UBR4: variants seen among roughly 807,000 people sequenced by gnomAD.
The protein encoded by UBR4 is E3 ubiquitin-protein ligase UBR4.
A neutral mutation model predicts 575.6 loss-of-function variants in UBR4; 124 were observed. The ratio of observed to expected loss-of-function variants is 0.22; its 90% CI spans 0.19 to 0.25. UBR4 has a LOEUF of 0.25. Among genes scored for constraint, UBR4 ranks in the 10% least tolerant of loss-of-function variants. The probability of loss-of-function intolerance (pLI) is 1.00; values close to 1 mark genes in which losing one functional copy is unlikely to be tolerated. For synonymous variants in UBR4, 2,455 were observed against 2,473.7 expected, an observed-to-expected ratio of 0.99 and a Z score of 0.22; for missense variants, 4,818 against 6,478.8, an observed-to-expected ratio of 0.74 and a Z score of 8.80.
chr1:19,077,402 T>C lies in UBR4; in HGVS notation c.15325-500A>G, dbSNP rs115686388. 8.3e-3 allele frequency among the ~76,000 whole-genome samples: 1,259 copies of C among 152,340 alleles called. 15 individuals carry two copies. The highest frequency in any genetic ancestry group is 0.028 in the African/African-American group (1,183 of 41,574). ...GAAGGTCTTCCTGCACAGCCGAGTC[T>C]GGAGCAGGCTCGGGAGCAGGTGACA... On this transcript the variant is annotated intron_variant, in intron 104 of 105. Coordinates refer to ENST00000375254, the MANE Select transcript of UBR4 (RefSeq NM_020765.3).
chr1:19,173,522 G>A lies in UBR4; in HGVS notation c.3082C>T (p.Pro1028Ser), dbSNP rs1214385688. 2 of 1,614,054 alleles carry A rather than the reference G, an allele frequency of 1.2e-6. No individual in the cohort carries two copies. The highest frequency in any genetic ancestry group is 2.2e-5 in the East Asian group (1 of 44,874). The part of the protein sequence containing the change: ...TYINQLSMNS[P>S]EMSECDILHT... ...AAGATGTCACATTCGCTCATCTCAGGTGAGTTCATGGATAGCTGGTTAATG... is the reference window on the plus strand; with the variant it reads ...AAGATGTCACATTCGCTCATCTCAGATGAGTTCATGGATAGCTGGTTAATG... Residue 1028 changes from proline (P) to serine (S), a missense_variant, in exon 23 of 106, where the codon CCT becomes TCT. Pro to Ser is a moderately conservative substitution (Grantham distance 74). Coordinates refer to ENST00000375254, the MANE Select transcript of UBR4 (RefSeq NM_020765.3).
Position 19,165,763 on chromosome 1 carries a change from G to A in UBR4, c.4110-6C>T, listed in dbSNP as rs753795315. 1 of 1,608,284 alleles carries A rather than the reference G, an allele frequency of 6.2e-7. No individual in the cohort carries two copies. Among genetic ancestry groups the A allele is most frequent in the South Asian group, 1.1e-5 (1 of 89,950 alleles). ...GGATGGATTCATCCAGTCCACTGAG[G>A]ATCAAACGGAAAACTTAACCACCAG... On this transcript the variant is annotated splice_region_variant and splice_polypyrimidine_tract_variant and intron_variant, in intron 29 of 105. Coordinates refer to ENST00000375254, the MANE Select transcript of UBR4 (RefSeq NM_020765.3).
chr1:19,186,763 T>C (rs2151295398), intron 13 of UBR4, 106 bp from the exon 14 acceptor site: 3 of 995,000 alleles, frequency 3.0e-6, no homozygotes, highest in Non-Finnish European at 4.4e-6. Flanking sequence ...TCCAAGAGTA[T>C]GCCTCTTAAT....
intron 28 of UBR4, among the ~76,000 whole-genome samples, chr1:19,167,605 A>G (rs938910713): frequency 1.4e-4 from 22 of 152,074 alleles, no homozygotes; most frequent in Non-Finnish European, 2.6e-4. Flanking sequence ...TTTTAGGGCA[A>G]TACAATATAA....
chr1:19,105,939 G>T (rs946634085), intron 83 of UBR4, 97 bp from the exon 84 acceptor site: 5 of 814,148 alleles, frequency 6.1e-6, no homozygotes, highest in Non-Finnish European at 9.2e-6. Flanking sequence ...TCTAGGAGAG[G>T]TCTTCTGGGC....
At chr1:19,141,101 G>C (rs2083873664) in intron 57 of UBR4, among the ~76,000 whole-genome samples, 1 of 152,222 alleles carries the variant, frequency 6.6e-6, no homozygotes, top group Non-Finnish European at 1.5e-5. Flanking sequence ...GCAGGACACA[G>C]GCTGGAGGAA....
At chr1:19,107,347 G>A (rs1186446844) in intron 81 of UBR4, among the ~76,000 whole-genome samples, 1 of 152,166 alleles carries the variant, frequency 6.6e-6, no homozygotes, top group Non-Finnish European at 1.5e-5. Context: ...AGCCTGCAGA[G>A]AGAGAGCCAC....
intron 18 of UBR4, 74 bp downstream of exon 18, chr1:19,178,977 T>C (rs2090586464): frequency 6.4e-7 from 1 of 1,554,984 alleles, no homozygotes; most frequent in Non-Finnish European, 8.7e-7. Flanking sequence ...AAGCCACAGA[T>C]TAACTACAAA....
intron 17 of UBR4, among the ~76,000 whole-genome samples, chr1:19,180,808 CT>C (rs1241392900): frequency 2.0e-5 from 3 of 152,092 alleles, no homozygotes; most frequent in African/African-American, 4.8e-5. Flanking sequence ...CCTTCCACCC[CT>C]ATCCTTCCTT....
At chr1:19,209,248 G>A (rs1392713182) in intron 1 of UBR4, among the ~76,000 whole-genome samples, 1 of 152,196 alleles carries the variant, frequency 6.6e-6, no homozygotes, top group Non-Finnish European at 1.5e-5. Flanking sequence ...ATGAAAGTCA[G>A]TCTGGCTTTA....
chr1:19,153,464 A>G lies in UBR4; in HGVS notation c.6669T>C (p.Asn2223=). ...DMVAIRHTAC[N]EQQRTTMILL... ...GAATCATTGTTGTCCGCTGCTGCTC[A>G]TTGCAGGCCGTGTGCCTAATAGCAA... The change falls in exon 46 of 106, where the codon AAT becomes AAC. Residue 2223 remains asparagine, a synonymous_variant. Coordinates refer to ENST00000375254, the MANE Select transcript of UBR4 (RefSeq NM_020765.3). The surrounding 1 kb of genome is among the most constrained non-coding windows in gnomAD (Gnocchi z 4.1). 2 of 1,614,124 alleles carry G rather than the reference A, an allele frequency of 1.2e-6. No homozygotes were observed. The highest frequency in any genetic ancestry group is 1.7e-6 in the Non-Finnish European group (2 of 1,180,016).
Position 19,106,651 on chromosome 1 carries a change from C to T in UBR4, c.12311G>A (p.Arg4104Lys). The T allele has an allele frequency of 1.2e-6, 2 of 1,610,024 alleles. No homozygotes were observed. The highest frequency in any genetic ancestry group is 2.2e-5 in the East Asian group (1 of 44,862). The change falls in exon 83 of 106, where the codon AGG (arginine) becomes AAG (lysine). Residue 4104 changes from arginine to lysine, a missense_variant. Around this residue, in one of 29 missense-constraint regions of UBR4, gnomAD observed 178 missense variants for 175.5 expected, o/e 1.01. Transcript: ENST00000375254. The part of the protein sequence containing the change: ...HLYLTEKYVW[R>K]WKQFLSRRGK... ...CCGACGACTCAGGAACTGTTTCCAC[C>T]TCCACACATACTTCTCAGTCAAATA...
At chr1:19,194,241 G>A (rs548994857) in intron 8 of UBR4, among the ~76,000 whole-genome samples, 9 of 152,200 alleles carry the variant, frequency 5.9e-5, no homozygotes, top group Admixed American at 1.3e-4. Flanking sequence ...TAAATCCACC[G>A]TACTAATTAA....
At chr1:19,142,650 G>A (rs1015403211) in intron 55 of UBR4, among the ~76,000 whole-genome samples, 2 of 152,160 alleles carry the variant, frequency 1.3e-5, no homozygotes, top group Non-Finnish European at 2.9e-5. Flanking sequence ...TGTCTAAAAG[G>A]AGATGTGCCA....
chr1:19,126,386 G>A, intron 64 of UBR4, 60 bp downstream of exon 64: 1 of 1,601,648 alleles, frequency 6.2e-7, no homozygotes. Context: ...GCACCGCGAG[G>A]AAAGAGAAGA....
intron 17 of UBR4, among the ~76,000 whole-genome samples, chr1:19,183,012 T>G (rs2091159700): frequency 6.6e-6 from 1 of 152,206 alleles, no homozygotes; most frequent in African/African-American, 2.4e-5. Context: ...ACCATAAGAT[T>G]GGAAGTTCAC....
chr1:19,170,707 C>G, intron 26 of UBR4, 55 bp downstream of exon 26: 2 of 1,612,436 alleles, frequency 1.2e-6, no homozygotes, highest in African/African-American at 1.3e-5. Context: ...AGCCATAGTA[C>G]TAGCAGTAGT....
chr1:19,210,036 C>T (rs749657137), intron 1 of UBR4, 37 bp downstream of exon 1: 6 of 1,516,938 alleles, frequency 4.0e-6, no homozygotes, highest in Admixed American at 4.2e-5. Context: ...CCCCTCCCCC[C>T]ACAACAGCGT....
chr1:19,128,829 G>A, intron 61 of UBR4, 149 bp downstream of exon 61: 2 of 670,532 alleles, frequency 3.0e-6, no homozygotes, highest in Non-Finnish European at 2.6e-6. Context: ...AAAATGAAGA[G>A]CTATAATTTG....
Sources: gnomAD v4.1 joint callset for allele counts (sites outside exome capture counted in the v4.1 genomes callset) on GRCh38, gnomAD v4.1.1 for gene constraint, gnomAD v4.1.1 regional missense constraint, Gnocchi (gnomAD v3.1) non-coding constraint, MANE v1.5 for transcripts, NCBI Gene and HGNC (gene_info 2026-07-23, HGNC 2026-07-21) for gene names.